Variants in OXCT1 observed in about 807,000 individuals in gnomAD.
OXCT1 encodes succinyl-CoA:3-ketoacid coenzyme A transferase 1, mitochondrial.
In OXCT1, 27 loss-of-function variants were observed where a neutral mutation model predicts 69.6. That is an observed-to-expected ratio of 0.39 (90% CI 0.29 to 0.54). The LOEUF is 0.54. OXCT1 is among the 20% of genes least tolerant of loss of function. The pLI is 0.72. For synonymous variants in OXCT1, 202 were observed against 217.8 expected (o/e 0.93, Z 0.64); for missense variants, 437 against 650.2 (o/e 0.67, Z 3.57).
At chr5:41,811,546 A>C (rs896761928) in intron 7 of OXCT1, among the ~76,000 whole-genome samples, 2 of 152,074 alleles carry the variant, frequency 1.3e-5, no homozygotes, top group African/African-American at 4.8e-5. Flanking sequence ...CCAAAGGAGC[A>C]AGAAAGTGAA....
intron 14 of OXCT1, among the ~76,000 whole-genome samples, chr5:41,758,617 G>T (rs1410240234): frequency 4.6e-5 from 7 of 152,010 alleles, no homozygotes; most frequent in African/African-American, 1.7e-4. Flanking sequence ...CTGCAGAGCA[G>T]AGGGCATTAT....
intron 13 of OXCT1, among the ~76,000 whole-genome samples, chr5:41,792,563 T>C (rs185643540): frequency 9.7e-4 from 147 of 152,270 alleles, no homozygotes; most frequent in African/African-American, 3.3e-3. Context: ...CAGAAATACA[T>C]TGTAATATCC....
At chr5:41,846,288 C>G (rs1302577671) in intron 5 of OXCT1, among the ~76,000 whole-genome samples, 1 of 120,884 alleles carries the variant, frequency 8.3e-6, no homozygotes, top group East Asian at 3.0e-4. Flanking sequence ...CCCCTCCCCC[C>G]ACCCCACAAC....
chr5:41,780,977 C>T (rs941239664), intron 13 of OXCT1, among the ~76,000 whole-genome samples: 1 of 151,700 alleles, frequency 6.6e-6, no homozygotes, highest in Non-Finnish European at 1.5e-5. Context: ...GATCTTGGCT[C>T]ACTGCAAGCT....
intron 13 of OXCT1, among the ~76,000 whole-genome samples, chr5:41,763,501 T>C (rs1744447116): frequency 6.6e-6 from 1 of 152,148 alleles, no homozygotes; most frequent in Non-Finnish European, 1.5e-5. Flanking sequence ...ATAATATTTC[T>C]GTAGAGAACA....
intron 9 of OXCT1, among the ~76,000 whole-genome samples, chr5:41,803,857 A>G (rs184886936): frequency 1.4e-4 from 21 of 152,206 alleles, no homozygotes; most frequent in East Asian, 5.8e-4. Flanking sequence ...TTACTACTCA[A>G]TGGTGTGGGT....
chr5:41,774,291 G>A (rs66460748), intron 13 of OXCT1, among the ~76,000 whole-genome samples: 14,574 of 152,140 alleles, frequency 0.096, 922 homozygotes, highest in Middle Eastern at 0.15. Context: ...CATGAGCATG[G>A]GTTAATATGT....
intron 14 of OXCT1, among the ~76,000 whole-genome samples, chr5:41,759,104 A>C (rs941375912): frequency 1.2e-4 from 18 of 151,990 alleles, no homozygotes; most frequent in African/African-American, 4.1e-4. Flanking sequence ...AAAAAAAAAA[A>C]AAACCTGAAG....
At chr5:41,860,984 T>TTA (rs1312306500) in intron 3 of OXCT1, among the ~76,000 whole-genome samples, 2 of 152,150 alleles carry the variant, frequency 1.3e-5, no homozygotes, top group Non-Finnish European at 2.9e-5. Flanking sequence ...ACATTTAAAT[T>TTA]TTAAAATGCA....
chr5:41,780,072 T>C (rs1745321163), intron 13 of OXCT1, among the ~76,000 whole-genome samples: 2 of 152,072 alleles, frequency 1.3e-5, no homozygotes, highest in Non-Finnish European at 2.9e-5. Flanking sequence ...TCTACAGCAT[T>C]AGGATAAAGA....
intron 13 of OXCT1, among the ~76,000 whole-genome samples, chr5:41,779,932 G>A (rs1216675186): frequency 1.3e-5 from 2 of 152,124 alleles, no homozygotes; most frequent in African/African-American, 4.8e-5. Flanking sequence ...ATTATATTCA[G>A]AAAAACACAG....
At chr5:41,786,802 A>C (rs1745661059) in intron 13 of OXCT1, among the ~76,000 whole-genome samples, 1 of 152,220 alleles carries the variant, frequency 6.6e-6, no homozygotes, top group African/African-American at 2.4e-5. Context: ...ATTCACATAC[A>C]TGCTTGTTAC....
intron 3 of OXCT1, among the ~76,000 whole-genome samples, chr5:41,861,028 AT>A (rs897551295): frequency 6.6e-6 from 1 of 152,176 alleles, no homozygotes. Flanking sequence ...TCTAACTTCA[AT>A]ACATTTTAAG....
At chr5:41,732,132 G>A (rs890501649) in intron 16 of OXCT1, among the ~76,000 whole-genome samples, 4 of 152,048 alleles carry the variant, frequency 2.6e-5, no homozygotes, top group Non-Finnish European at 4.4e-5. Flanking sequence ...TTAAGACGCA[G>A]TACAAACCCC....
intron 15 of OXCT1, among the ~76,000 whole-genome samples, chr5:41,747,067 T>C (rs1023021519): frequency 2.0e-5 from 3 of 152,130 alleles, no homozygotes; most frequent in South Asian, 2.1e-4. Context: ...CAGTGTTTTT[T>C]CTAATGCAAA....
At chr5:41,867,488 G>T (rs1444842355) in intron 1 of OXCT1, among the ~76,000 whole-genome samples, 1 of 152,230 alleles carries the variant, frequency 6.6e-6, no homozygotes, top group East Asian at 1.9e-4. Context: ...CAGCACTGAG[G>T]AACATTTCAG....
intron 7 of OXCT1, among the ~76,000 whole-genome samples, chr5:41,837,403 AGT>A (rs964482957): frequency 6.6e-6 from 1 of 152,116 alleles, no homozygotes; most frequent in African/African-American, 2.4e-5. Flanking sequence ...ACAGACATTC[AGT>A]CACCACATTT....
At chr5:41,776,781 C>G (rs1745144887) in intron 13 of OXCT1, among the ~76,000 whole-genome samples, 1 of 151,788 alleles carries the variant, frequency 6.6e-6, no homozygotes, top group East Asian at 1.9e-4. Flanking sequence ...TTTTTATTCC[C>G]AATGGAAAAA....
At chr5:41,781,871 T>G (rs1745420306) in intron 13 of OXCT1, among the ~76,000 whole-genome samples, 1 of 152,206 alleles carries the variant, frequency 6.6e-6, no homozygotes, top group African/African-American at 2.4e-5. Context: ...GGTATTTAGG[T>G]TGATTCCATG....
Sources: allele counts gnomAD v4.1 joint callset (sites outside exome capture counted in the v4.1 genomes callset), GRCh38; gene constraint gnomAD v4.1.1; transcripts MANE v1.5; gene names NCBI Gene and HGNC (gene_info 2026-07-23, HGNC 2026-07-21).